The following FHIP2A variants were observed in gnomAD, a reference collection of about 807,000 sequenced individuals.
FHIP2A encodes FHF complex subunit HOOK interacting protein 2A, also known as family with sequence similarity 160 member B1.
A neutral mutation model predicts 93.5 loss-of-function variants in FHIP2A; 46 were observed. The observed-to-expected ratio is 0.49, with a 90% CI of 0.39 to 0.63. FHIP2A has a LOEUF of 0.63. Among genes scored for constraint, FHIP2A ranks in the 20% least tolerant of loss-of-function variants. The pLI is 0.00. For missense variants in FHIP2A, 769 were observed against 909.7 expected (o/e 0.85, Z 1.99); for synonymous variants, 332 against 326.5 (o/e 1.02, Z -0.18).
intron 1 of FHIP2A, among the ~76,000 whole-genome samples, chr10:114,829,500 A>G (rs1374975614): frequency 1.3e-5 from 2 of 152,258 alleles, no homozygotes; most frequent in African/African-American, 4.8e-5. Flanking sequence ...TATAATGAGC[A>G]GTAAAGATAA....
intron 1 of FHIP2A, among the ~76,000 whole-genome samples, chr10:114,827,398 C>T (rs184367928): frequency 2.7e-4 from 41 of 152,312 alleles, no homozygotes; most frequent in African/African-American, 8.9e-4. Context: ...AAAGATGATA[C>T]AGTTCCAGCC....
intron 16 of FHIP2A, among the ~76,000 whole-genome samples, chr10:114,883,634 T>G (rs1432018262): frequency 6.6e-6 from 1 of 152,164 alleles, no homozygotes; most frequent in Non-Finnish European, 1.5e-5. Context: ...CAGGCTAGAG[T>G]GCAATGGCAC....
At chr10:114,892,164 G>T (rs1181006242) in intron 16 of FHIP2A, among the ~76,000 whole-genome samples, 1 of 152,070 alleles carries the variant, frequency 6.6e-6, no homozygotes, top group Non-Finnish European at 1.5e-5. Flanking sequence ...ATTTCATAGG[G>T]TGAAGAAAAT....
At chr10:114,846,470 A>C (rs1592019942) in intron 10 of FHIP2A, 89 bp from the exon 11 acceptor site, 7 of 1,431,320 alleles carry the variant, frequency 4.9e-6, no homozygotes, top group Non-Finnish European at 6.6e-6. Context: ...TATTGGCTTT[A>C]GAAATTGAAA....
At chr10:114,837,527 A>G (rs1311070582) in intron 5 of FHIP2A, among the ~76,000 whole-genome samples, 1 of 152,208 alleles carries the variant, frequency 6.6e-6, no homozygotes, top group Non-Finnish European at 1.5e-5. Flanking sequence ...ATAATACAAA[A>G]TACATAAATA....
At chr10:114,842,875 T>A in intron 5 of FHIP2A, 58 bp from the exon 6 acceptor site, 3 of 1,166,684 alleles carry the variant, frequency 2.6e-6, no homozygotes, top group Non-Finnish European at 3.6e-6. Context: ...ATTAAAATAT[T>A]ATTTTTGGCT....
At chr10:114,824,332 CT>C (rs2083561039) in intron 1 of FHIP2A, among the ~76,000 whole-genome samples, 1 of 152,126 alleles carries the variant, frequency 6.6e-6, no homozygotes, top group Non-Finnish European at 1.5e-5. Flanking sequence ...TCCTCGTTAT[CT>C]TTTTATAATT....
At chr10:114,885,402 A>G (rs887892653) in intron 16 of FHIP2A, among the ~76,000 whole-genome samples, 2 of 151,932 alleles carry the variant, frequency 1.3e-5, no homozygotes, top group Non-Finnish European at 2.9e-5. Flanking sequence ...TCTGAGAAAA[A>G]AAAAAAAAAG....
At chr10:114,833,445 G>A in intron 3 of FHIP2A, 43 bp downstream of exon 3, 1 of 1,531,914 alleles carries the variant, frequency 6.5e-7, no homozygotes, top group Non-Finnish European at 9.0e-7. Flanking sequence ...ATTAGTACAT[G>A]CATTAATGTC....
intron 14 of FHIP2A, among the ~76,000 whole-genome samples, chr10:114,857,092 A>AC (rs2083771213): frequency 6.6e-6 from 1 of 151,736 alleles, no homozygotes; most frequent in Admixed American, 6.6e-5. Flanking sequence ...ACATAGTGAG[A>AC]CCCCGTCTCT....
In FHIP2A at chr10:114,870,382, A is replaced by AAT. The variant is rs34935019; in HGVS notation, c.2192+9063_2192+9064dup. ...GCCTCTTAACAATGATTTTAAATAA[A>AAT]ATATATATATATATATCTTTTACAG... On this transcript the variant is annotated intron_variant, in intron 16 of 16. Transcript: ENST00000369250. Among the ~76,000 whole-genome samples, 385 of 150,386 alleles carry AAT rather than the reference A, an allele frequency of 2.6e-3. 2 individuals carry two copies. Among genetic ancestry groups the AAT allele is most frequent in the African/African-American group, 6.7e-3 (274 of 41,076 alleles).
At chr10:114,835,682 CTTTTA>C in intron 4 of FHIP2A, 41 bp downstream of exon 4, 1 of 1,150,568 alleles carries the variant, frequency 8.7e-7, no homozygotes, top group Non-Finnish European at 1.2e-6. Flanking sequence ...TGTTTGATTT[CTTTTA>C]ATGTTGAAAT....
At chr10:114,882,008 G>A (rs917747251) in intron 16 of FHIP2A, among the ~76,000 whole-genome samples, 32 of 152,206 alleles carry the variant, frequency 2.1e-4, no homozygotes, top group Admixed American at 2.0e-3. Flanking sequence ...TAATGACTTC[G>A]GTTTAAGAAG....
chr10:114,844,355 CT>C (rs2083687712), intron 7 of FHIP2A, among the ~76,000 whole-genome samples: 1 of 152,196 alleles, frequency 6.6e-6, no homozygotes, highest in Non-Finnish European at 1.5e-5. Flanking sequence ...ACCTTTTAGA[CT>C]CCCCAACTTG....
chr10:114,830,722 A>C, intron 1 of FHIP2A, 130 bp from the exon 2 acceptor site: 1 of 487,718 alleles, frequency 2.1e-6, no homozygotes, highest in Non-Finnish European at 3.7e-6. Flanking sequence ...TTAATATCTG[A>C]CATATAAAAA....
chr10:114,887,371 T>C (rs2083948293), intron 16 of FHIP2A, among the ~76,000 whole-genome samples: 1 of 152,262 alleles, frequency 6.6e-6, no homozygotes, highest in Admixed American at 6.5e-5. Flanking sequence ...CTTACATTTT[T>C]ATGATACTAT....
chr10:114,847,164 C>A lies in FHIP2A; in HGVS notation c.1643C>A (p.Ser548Tyr). The change falls in exon 12 of 17, where the codon TCT (serine) becomes TAT (tyrosine). Residue 548 changes from serine to tyrosine, a missense_variant. Ser to Tyr is a moderately radical substitution (Grantham distance 144). Transcript: ENST00000369248. ...TTGCCAAACCAAGAGTGGCTTAGTT[C>A]TTCACCTCCTGCTACTCCAGACCAC... The part of the protein sequence containing the change: ...NTLPNQEWLS[S>Y]SPPATPDHPK... 2 of 1,613,348 alleles carry A rather than the reference C, an allele frequency of 1.2e-6. No individual in the cohort carries two copies. Among genetic ancestry groups the A allele is most frequent in the Non-Finnish European group, 1.7e-6 (2 of 1,179,438 alleles).
intron 1 of FHIP2A, 94 bp from the exon 2 acceptor site, chr10:114,830,758 T>C (rs917837251): frequency 8.3e-5 from 56 of 676,132 alleles, no homozygotes; most frequent in Non-Finnish European, 1.3e-4. Flanking sequence ...ATTTTTATGC[T>C]ACCTTTGCAT....
intron 16 of FHIP2A, among the ~76,000 whole-genome samples, chr10:114,884,789 C>T (rs1413692855): frequency 6.6e-6 from 1 of 151,680 alleles, no homozygotes; most frequent in Non-Finnish European, 1.5e-5. Context: ...TGGCATGTGC[C>T]TATTGTCCCA....
Sources: gnomAD v4.1 joint callset for allele counts (sites outside exome capture counted in the v4.1 genomes callset) on GRCh38, gnomAD v4.1.1 for gene constraint, MANE v1.5 for transcripts, NCBI Gene and HGNC (gene_info 2026-07-23, HGNC 2026-07-21) for gene names.